The following GALNT13 variants were observed in gnomAD, a reference collection of about 807,000 sequenced individuals.
GALNT13 encodes polypeptide N-acetylgalactosaminyltransferase 13, also known as UDP-GalNAc:polypeptide N-acetylgalactosaminyltransferase 13.
GALNT13 carries 28 observed loss-of-function variants against 64.2 expected under a neutral mutation model. The observed-to-expected ratio is 0.44, with a 90% confidence interval of 0.32 to 0.60. The LOEUF (loss-of-function observed/expected upper bound fraction) is 0.60, where lower values mean the gene tolerates loss of function less well. GALNT13 is among the 20% of genes least tolerant of loss of function. GALNT13 has a pLI of 0.05. For missense variants in GALNT13, 577 were observed against 669.8 expected, an observed-to-expected ratio of 0.86 and a Z score of 1.53; for synonymous variants, 214 against 224.6, an observed-to-expected ratio of 0.95 and a Z score of 0.42.
chr2:153,473,187 TAAC>T, the GALNT13 span, among the ~76,000 whole-genome samples: 1 of 151,426 alleles, frequency 6.6e-6, no homozygotes, highest in African/African-American at 2.4e-5. Flanking sequence ...AAAAGTATAA[TAAC>T]AAAAAAAAGG....
At chr2:154,336,981 A>C (rs1695477651) in intron 9 of GALNT13, among the ~76,000 whole-genome samples, 1 of 152,064 alleles carries the variant, frequency 6.6e-6, no homozygotes, top group Non-Finnish European at 1.5e-5. Context: ...GTAACTTTTC[A>C]AATATACCAT....
chr2:154,347,698 C>G lies in GALNT13; in HGVS notation c.1156+46109C>G, dbSNP rs142059750. Among the ~76,000 whole-genome samples, 1,179 of 152,260 alleles carry G rather than the reference C, an allele frequency of 7.7e-3. 13 individuals carry two copies. The highest frequency in any genetic ancestry group is 0.027 in the African/African-American group (1,121 of 41,570). ...CAAAGTTTATAATCATAGATTTTCA[C>G]TGAAGGCAAAAGGGACTAGCCACAT... On this transcript the variant is annotated intron_variant, in intron 9 of 12. Transcript: ENST00000392825.
intron 6 of GALNT13, among the ~76,000 whole-genome samples, chr2:154,244,076 T>G (rs748870585): frequency 2.6e-5 from 4 of 152,080 alleles, no homozygotes; most frequent in Non-Finnish European, 5.9e-5. Context: ...ATGAATTTCC[T>G]GGCAAATTTT....
the GALNT13 span, among the ~76,000 whole-genome samples, chr2:153,233,315 A>G: frequency 1.3e-5 from 2 of 152,024 alleles, no homozygotes; most frequent in African/African-American, 4.8e-5. Context: ...CACAGATCCC[A>G]TACTTCTTAG....
At chr2:154,420,628 G>A (rs1700208630) in intron 11 of GALNT13, among the ~76,000 whole-genome samples, 1 of 151,900 alleles carries the variant, frequency 6.6e-6, no homozygotes, top group African/African-American at 2.4e-5. Context: ...AGAATATTAA[G>A]GTCTTTCGAA....
At chr2:153,326,122 G>T in the GALNT13 span, among the ~76,000 whole-genome samples, 3 of 152,082 alleles carry the variant, frequency 2.0e-5, no homozygotes, top group Non-Finnish European at 4.4e-5. Context: ...AAGTCTCTTT[G>T]TAGGTCTCCA....
At chr2:153,817,169 G>A in the GALNT13 span, among the ~76,000 whole-genome samples, 2 of 152,232 alleles carry the variant, frequency 1.3e-5, no homozygotes, top group Non-Finnish European at 1.5e-5. Flanking sequence ...ACTCTTCCTC[G>A]GTGTAATTAC....
At chr2:153,167,505 T>G in the GALNT13 span, among the ~76,000 whole-genome samples, 5 of 152,208 alleles carry the variant, frequency 3.3e-5, no homozygotes, top group Non-Finnish European at 7.3e-5. Context: ...AATAATTCTG[T>G]CAATGACACA....
intron 8 of GALNT13, among the ~76,000 whole-genome samples, chr2:154,290,755 A>G (rs1397142629): frequency 6.6e-6 from 1 of 152,070 alleles, no homozygotes; most frequent in African/African-American, 2.4e-5. Context: ...GTTCTTAAAG[A>G]TGGTGTGTCT....
chr2:154,171,679 A>C (rs1055412116), intron 4 of GALNT13, among the ~76,000 whole-genome samples: 8 of 152,092 alleles, frequency 5.3e-5, no homozygotes, highest in African/African-American at 1.7e-4. Flanking sequence ...TGTGTTATTA[A>C]GACAGGCACA....
chr2:154,166,085 C>T (rs979915303), intron 4 of GALNT13, among the ~76,000 whole-genome samples: 6 of 152,092 alleles, frequency 3.9e-5, no homozygotes, highest in African/African-American at 1.4e-4. Context: ...AAAAACTTGT[C>T]TAGAGGAACT....
the GALNT13 span, among the ~76,000 whole-genome samples, chr2:153,823,052 G>T: frequency 6.6e-6 from 1 of 151,990 alleles, no homozygotes; most frequent in Non-Finnish European, 1.5e-5. Flanking sequence ...AAATACCTAG[G>T]AATACATCTA....
chr2:154,409,604 A>G (rs1258801374), intron 11 of GALNT13, among the ~76,000 whole-genome samples: 1 of 151,978 alleles, frequency 6.6e-6, no homozygotes, highest in Admixed American at 6.6e-5. Flanking sequence ...AAGCATTGGA[A>G]AAAAGCTTTG....
intron 3 of GALNT13, among the ~76,000 whole-genome samples, chr2:154,051,370 A>G (rs1181477184): frequency 3.5e-5 from 5 of 142,578 alleles, no homozygotes; most frequent in African/African-American, 1.1e-4. Context: ...GGCTCCCTGC[A>G]AGCTCCGCTT....
intron 8 of GALNT13, among the ~76,000 whole-genome samples, chr2:154,274,150 G>A (rs771529240): frequency 2.0e-5 from 3 of 151,948 alleles, no homozygotes; most frequent in Non-Finnish European, 4.4e-5. Flanking sequence ...TGGCATATAC[G>A]CAAGGTGTGG....
At chr2:153,620,464 T>C in the GALNT13 span, among the ~76,000 whole-genome samples, 5 of 151,946 alleles carry the variant, frequency 3.3e-5, no homozygotes, top group African/African-American at 1.2e-4. Flanking sequence ...TTTTTTCTTT[T>C]GTCTCCTCTG....
rs145875901 is a variant in GALNT13, at chr2:154,099,253, G to T, written c.143-41084G>T. ...GTTGGTTTATGTTCTTTGCCTACTT[G>T]TTAACGGGATTATTTGTTTTTTCTT... On this transcript the variant is annotated intron_variant, in intron 3 of 12. Coordinates refer to ENST00000392825, the MANE Select transcript of GALNT13 (RefSeq NM_052917.4). 9.3e-4 allele frequency among the ~76,000 whole-genome samples: 142 copies of T among 151,948 alleles called. 1 individual carries two copies. The highest frequency in any genetic ancestry group is 4.1e-4 in the Non-Finnish European group (28 of 67,936).
At chr2:154,172,204 G>C (rs2105703389) in intron 4 of GALNT13, among the ~76,000 whole-genome samples, 1 of 151,926 alleles carries the variant, frequency 6.6e-6, no homozygotes, top group Non-Finnish European at 1.5e-5. Context: ...GATGTACATA[G>C]TTTGAGGGTA....
chr2:154,241,556 C>T (rs970534870), intron 4 of GALNT13, among the ~76,000 whole-genome samples: 6 of 152,170 alleles, frequency 3.9e-5, no homozygotes, highest in Admixed American at 2.6e-4. Context: ...ATAGCATCCT[C>T]AAATGGAATT....
Sources: gnomAD v4.1 joint callset for allele counts (sites outside exome capture counted in the v4.1 genomes callset) on GRCh38, gnomAD v4.1.1 for gene constraint, MANE v1.5 for transcripts, NCBI Gene and HGNC (gene_info 2026-07-23, HGNC 2026-07-21) for gene names.